Variants in ROR1 observed in about 807,000 individuals in gnomAD.
ROR1 encodes the protein inactive tyrosine-protein kinase transmembrane receptor ROR1.
A neutral mutation model predicts 78.8 loss-of-function variants in ROR1; 19 were observed. The observed-to-expected ratio is 0.24, with a 90% confidence interval of 0.17 to 0.35. The LOEUF (loss-of-function observed/expected upper bound fraction) is 0.35, where lower values mean the gene tolerates loss of function less well. ROR1 is among the 10% of genes least tolerant of loss of function. The pLI is 1.00. For missense variants in ROR1, 917 were observed against 1,177.8 expected, an observed-to-expected ratio of 0.78 and a Z score of 3.24; for synonymous variants, 386 against 433.6, an observed-to-expected ratio of 0.89 and a Z score of 1.36.
intron 4 of ROR1, among the ~76,000 whole-genome samples, chr1:64,125,750 T>C (rs1242221534): frequency 6.6e-6 from 1 of 152,102 alleles, no homozygotes; most frequent in East Asian, 1.9e-4. Context: ...ACCTTTGGGA[T>C]TGTATTCAAA....
chr1:63,858,688 C>T (rs1645162809), intron 1 of ROR1, among the ~76,000 whole-genome samples: 1 of 152,096 alleles, frequency 6.6e-6, no homozygotes, highest in Admixed American at 6.5e-5. Flanking sequence ...CTTCACTTCC[C>T]TGACCCCTAG....
intron 4 of ROR1, among the ~76,000 whole-genome samples, chr1:64,051,086 G>C (rs1646824541): frequency 6.6e-6 from 1 of 152,104 alleles, no homozygotes; most frequent in Admixed American, 6.5e-5. Context: ...AAGCATTTTT[G>C]ATGAATTCAT....
At chr1:64,089,226 T>C (rs1000973694) in intron 4 of ROR1, among the ~76,000 whole-genome samples, 5 of 152,062 alleles carry the variant, frequency 3.3e-5, no homozygotes, top group Non-Finnish European at 7.4e-5. Flanking sequence ...ATTTTTTTTT[T>C]TGAGACATGG....
chr1:64,009,361 A>G lies in ROR1; in HGVS notation c.148A>G (p.Ser50Gly). 6.2e-7 allele frequency: 1 copy of G among 1,613,510 alleles called. No individual in the cohort carries two copies. The highest frequency in any genetic ancestry group is 2.2e-5 in the East Asian group (1 of 44,864). The change falls in exon 2 of 9, where the codon AGT (serine) becomes GGT (glycine). Residue 50 changes from serine (S) to glycine (G), a missense_variant. Transcript: ENST00000371079. ...LVPTSSWNIS[S>G]ELNKDSYLTL... The stretch of plus-strand genomic sequence containing the variant: ...GCCTACCTCATCATGGAACATCTCA[A>G]GTGAACTCAACAAAGGTACACAGTG...
chr1:64,141,143 A>G (rs1649297611), intron 6 of ROR1, among the ~76,000 whole-genome samples: 1 of 152,246 alleles, frequency 6.6e-6, no homozygotes, highest in African/African-American at 2.4e-5. Flanking sequence ...TGAAAGAACT[A>G]AATAAATGCA....
rs149171245 is a variant in ROR1, at chr1:63,828,191, G to A, written c.91+53683G>A. On this transcript the variant is annotated intron_variant, in intron 1 of 8. Coordinates refer to ENST00000371079, the MANE Select transcript of ROR1 (RefSeq NM_005012.4). ...CCCAAATCCAGGTTTGGTTGATACT[G>A]TGTAATGTGAATGCAATTAGTAGCG... Among the ~76,000 whole-genome samples the A allele has an allele frequency of 1.1e-3, 160 of 152,252 alleles. 2 individuals carry two copies. In the East Asian group the frequency reaches 0.025, roughly 24 times the overall value.
At position 63,924,195 on chromosome 1, in the gene ROR1, T is replaced by C. The variant is rs895875946; in HGVS notation, c.92-85110T>C. On this transcript the variant is annotated intron_variant, in intron 1 of 8. Transcript: ENST00000371079. ...CCAGTGACTTTCTAACACATTACAG[T>C]GTTTTAATTTTCTTCATGTACTCAG... Among the ~76,000 whole-genome samples the C allele has an allele frequency of 9.2e-5, 14 of 152,210 alleles. No homozygotes were observed. The East Asian group carries it at 2.7e-3, about 29-fold the overall frequency.
intron 1 of ROR1, among the ~76,000 whole-genome samples, chr1:63,936,365 CCTCTT>C (rs1341181960): frequency 6.6e-6 from 1 of 152,152 alleles, no homozygotes; most frequent in African/African-American, 2.4e-5. Flanking sequence ...TGAAGTCTCT[CCTCTT>C]CTCCCACAGA....
intron 4 of ROR1, among the ~76,000 whole-genome samples, chr1:64,130,679 G>A (rs1648882919): frequency 6.6e-6 from 1 of 152,186 alleles, no homozygotes; most frequent in Non-Finnish European, 1.5e-5. Context: ...AGGTAGGTTG[G>A]AATAGGAGGT....
chr1:63,978,612 T>A (rs999855452), intron 1 of ROR1, among the ~76,000 whole-genome samples: 1 of 152,228 alleles, frequency 6.6e-6, no homozygotes, highest in Non-Finnish European at 1.5e-5. Flanking sequence ...AAATTAAAAG[T>A]AGCTATATCC....
chr1:63,823,769 T>C (rs1367241707), intron 1 of ROR1, among the ~76,000 whole-genome samples: 1 of 151,978 alleles, frequency 6.6e-6, no homozygotes, highest in East Asian at 1.9e-4. Context: ...TTAAACTTTT[T>C]TTTTTTTTTG....
chr1:63,910,067 A>G (rs918796891), intron 1 of ROR1, among the ~76,000 whole-genome samples: 1 of 152,186 alleles, frequency 6.6e-6, no homozygotes, highest in Non-Finnish European at 1.5e-5. Flanking sequence ...AATTCAGTGC[A>G]CTTAATCTAT....
chr1:63,888,311 T>C (rs1645371095), intron 1 of ROR1, among the ~76,000 whole-genome samples: 1 of 152,084 alleles, frequency 6.6e-6, no homozygotes, highest in South Asian at 2.1e-4. Context: ...TGAAAAAAAG[T>C]CTGTCGTTAA....
At chr1:64,050,872 C>G (rs1646823103) in intron 4 of ROR1, among the ~76,000 whole-genome samples, 156 bp downstream of exon 4, 1 of 152,140 alleles carries the variant, frequency 6.6e-6, no homozygotes, top group South Asian at 2.1e-4. Context: ...GTTCTCTGCT[C>G]TAAAGATTCA....
At chr1:63,980,407 G>C (rs1006757245) in intron 1 of ROR1, among the ~76,000 whole-genome samples, 1 of 152,140 alleles carries the variant, frequency 6.6e-6, no homozygotes, top group Non-Finnish European at 1.5e-5. Context: ...AGTGATTTAA[G>C]GCCTGTGTGA....
intron 8 of ROR1, among the ~76,000 whole-genome samples, chr1:64,163,730 C>G (rs1650010604): frequency 6.6e-6 from 1 of 152,188 alleles, no homozygotes; most frequent in South Asian, 2.1e-4. Context: ...AATTTGATTA[C>G]ATTCTCTGGC....
intron 7 of ROR1, among the ~76,000 whole-genome samples, chr1:64,148,479 T>C (rs1649536087): frequency 6.6e-6 from 1 of 152,234 alleles, no homozygotes; most frequent in Non-Finnish European, 1.5e-5. Flanking sequence ...CTGCATTCTT[T>C]AGCTAACTCA....
intron 1 of ROR1, among the ~76,000 whole-genome samples, chr1:63,787,468 T>TCCTGCCTTCCTGCCTTCCTGCCTTCCTG (rs1273279088): frequency 2.6e-5 from 3 of 115,314 alleles, no homozygotes; most frequent in African/African-American, 1.2e-4. Context: ...CTTCCTTCCT[T>TCCTGCCTTCCTGCCTTCCTGCCTTCCTG]CCTTCCTTCC....
At chr1:63,794,647 T>G (rs11208294) in intron 1 of ROR1, among the ~76,000 whole-genome samples, 3,451 of 152,330 alleles carry the variant, frequency 0.023, 140 homozygotes, top group African/African-American at 0.079. Context: ...CCTGAAGGTC[T>G]TCTTCAATTT....
Sources: allele counts gnomAD v4.1 joint callset (sites outside exome capture counted in the v4.1 genomes callset), GRCh38; gene constraint gnomAD v4.1.1; transcripts MANE v1.5; gene names NCBI Gene and HGNC (gene_info 2026-07-23, HGNC 2026-07-21).